Variants in TANC2 observed in about 807,000 individuals in gnomAD.
TANC2 encodes tetratricopeptide repeat, ankyrin repeat and coiled-coil containing 2, also known as protein TANC2.
Under a neutral mutation model 210.5 loss-of-function variants are expected in TANC2, and 26 were observed. The ratio of observed to expected loss-of-function variants is 0.12; its 90% CI spans 0.09 to 0.17. TANC2 has a LOEUF of 0.17. Among genes scored for constraint, TANC2 ranks in the 10% least tolerant of loss-of-function variants. The pLI, the probability that TANC2 is intolerant of heterozygous loss-of-function variation, is 1.00. For missense variants in TANC2, 2,129 were observed against 2,608.9 expected (o/e 0.82, Z 4.01); for synonymous variants, 931 against 967.1 (o/e 0.96, Z 0.69).
At chr17:63,303,979 C>A (rs2146510605) in intron 9 of TANC2, among the ~76,000 whole-genome samples, 1 of 152,080 alleles carries the variant, frequency 6.6e-6, no homozygotes, top group East Asian at 1.9e-4. Flanking sequence ...TTCTAGTTAG[C>A]AGCTCCTATA....
At chr17:62,986,632 C>T (rs1474062108) in intron 1 of TANC2, among the ~76,000 whole-genome samples, 2 of 151,508 alleles carry the variant, frequency 1.3e-5, no homozygotes, top group Non-Finnish European at 2.9e-5. Flanking sequence ...GAAACACAGG[C>T]GCATGACTGT....
At chr17:63,355,503 A>G (rs1208546704) in intron 14 of TANC2, 113 bp downstream of exon 14, 3 of 1,205,908 alleles carry the variant, frequency 2.5e-6, no homozygotes, top group Non-Finnish European at 3.3e-6. Context: ...TAGAAGAGAC[A>G]TCATCTGTGT....
At chr17:63,374,687 A>T (rs2147046555) in intron 14 of TANC2, among the ~76,000 whole-genome samples, 1 of 152,330 alleles carries the variant, frequency 6.6e-6, no homozygotes, top group East Asian at 1.9e-4. Context: ...TTGAAACCCT[A>T]CAGATAATTT....
In TANC2 at chr17:63,421,268, C is replaced by G. The variant is rs1286665712; in HGVS notation, c.5538C>G (p.Ile1846Met). Residue 1846 changes from isoleucine (I) to methionine (M), a missense_variant, in exon 28 of 28, where the codon ATC (isoleucine) becomes ATG (methionine). Physicochemically the swap from Ile to Met is conservative, Grantham distance 10 (BLOSUM62 1). Coordinates refer to ENST00000689528, the Ensembl canonical transcript of TANC2. The surrounding 1 kb of genome is among the most constrained non-coding windows in gnomAD (Gnocchi z 6.9). ...CTATCAGTGTCAACCCTAACGAAATCAAACCGCACCCGCCAACTCCCAGGC... is the reference window on the plus strand; with the variant it reads ...CTATCAGTGTCAACCCTAACGAAATGAAACCGCACCCGCCAACTCCCAGGC... The G allele has an allele frequency of 6.2e-7, 1 of 1,613,928 alleles. No individual in the cohort carries two copies. The highest frequency in any genetic ancestry group is 1.3e-5 in the African/African-American group (1 of 74,930).
chr17:63,064,871 T>A (rs1258222033), intron 2 of TANC2, among the ~76,000 whole-genome samples: 1 of 152,174 alleles, frequency 6.6e-6, no homozygotes, highest in Non-Finnish European at 1.5e-5. Context: ...CAAACTTTTT[T>A]TTTTTTGCTT....
chr17:63,023,372 A>G (rs894201190), intron 2 of TANC2, among the ~76,000 whole-genome samples: 2 of 151,706 alleles, frequency 1.3e-5, no homozygotes, highest in Admixed American at 6.6e-5. Context: ...GTGTGTGTGT[A>G]TGTGTGTATT....
chr17:63,358,376 A>AGAGAGTGT (rs1470682571), intron 14 of TANC2, among the ~76,000 whole-genome samples: 23 of 81,044 alleles, frequency 2.8e-4, no homozygotes, highest in African/African-American at 8.5e-4. Context: ...AGAGAGAGAG[A>AGAGAGTGT]GTATGTGTGT....
At chr17:63,379,287 G>T (rs2047526542) in intron 14 of TANC2, among the ~76,000 whole-genome samples, 1 of 152,176 alleles carries the variant, frequency 6.6e-6, no homozygotes, top group Non-Finnish European at 1.5e-5. Context: ...AGGAGCAGGT[G>T]CCCTTCCCCA....
chr17:63,364,482 A>G (rs1218792741), intron 14 of TANC2, among the ~76,000 whole-genome samples: 2 of 152,238 alleles, frequency 1.3e-5, no homozygotes, highest in African/African-American at 4.8e-5. Flanking sequence ...TCCTAAGTCT[A>G]TATACATACA....
chr17:63,308,321 C>A (rs1484774848), intron 9 of TANC2, among the ~76,000 whole-genome samples: 2 of 152,150 alleles, frequency 1.3e-5, no homozygotes, highest in Non-Finnish European at 2.9e-5. Context: ...CTACATATTT[C>A]TTCACTCTTT....
At chr17:63,224,441 G>A (rs965452926) in intron 7 of TANC2, among the ~76,000 whole-genome samples, 4 of 152,070 alleles carry the variant, frequency 2.6e-5, no homozygotes, top group East Asian at 1.9e-4. Context: ...TAGGAGAGAC[G>A]AGGTTTCACC....
At chr17:63,027,043 T>C (rs1182915682) in intron 2 of TANC2, among the ~76,000 whole-genome samples, 1 of 152,186 alleles carries the variant, frequency 6.6e-6, no homozygotes, top group East Asian at 1.9e-4. Flanking sequence ...TTCATTCTAT[T>C]TAGTTTCTTC....
At chr17:63,225,057 A>G (rs2042293915) in intron 7 of TANC2, among the ~76,000 whole-genome samples, 1 of 151,702 alleles carries the variant, frequency 6.6e-6, no homozygotes, top group African/African-American at 2.4e-5. Context: ...ATCTCCCTCT[A>G]CCCTTCACAG....
intron 5 of TANC2, among the ~76,000 whole-genome samples, chr17:63,166,967 G>T (rs897189842): frequency 2.0e-5 from 3 of 152,098 alleles, no homozygotes; most frequent in African/African-American, 7.2e-5. Flanking sequence ...CAGAAGCTTA[G>T]GTGAGTGGAG....
chr17:63,003,811 G>GT lies in TANC2; in HGVS notation c.-23-5719dup, dbSNP rs543375988. Among the ~76,000 whole-genome samples the GT allele has an allele frequency of 1.4e-3, 218 of 151,912 alleles. 1 individual carries two copies. The highest frequency in any genetic ancestry group is 5.0e-3 in the Admixed American group (76 of 15,260). ...AATTTTTAATAACCTCCAAATATATGTTTTTTTAAGTGGCTGTTGCTTTCT... is the reference window on the plus strand; with the variant it reads ...AATTTTTAATAACCTCCAAATATATGTTTTTTTTAAGTGGCTGTTGCTTTCT... On this transcript the variant is annotated intron_variant, in intron 1 of 27. Coordinates refer to ENST00000689528, the Ensembl canonical transcript of TANC2.
intron 9 of TANC2, among the ~76,000 whole-genome samples, chr17:63,268,658 C>T (rs1204617920): frequency 6.6e-6 from 1 of 152,064 alleles, no homozygotes; most frequent in Admixed American, 6.6e-5. Flanking sequence ...ATTTTATTAT[C>T]TTGGTCTTTT....
chr17:63,255,487 G>C (rs1397370453), intron 8 of TANC2, among the ~76,000 whole-genome samples: 1 of 152,090 alleles, frequency 6.6e-6, no homozygotes, highest in African/African-American at 2.4e-5. Flanking sequence ...TTATGGTTTT[G>C]ATCTCATTAC....
intron 12 of TANC2, among the ~76,000 whole-genome samples, chr17:63,348,099 A>G (rs746223837): frequency 2.1e-4 from 32 of 152,202 alleles, no homozygotes; most frequent in Non-Finnish European, 3.7e-4. Context: ...ACTGAAGGAA[A>G]GATAACTCAG....
chr17:63,288,829 T>C (rs910019914), intron 9 of TANC2, among the ~76,000 whole-genome samples: 1 of 152,228 alleles, frequency 6.6e-6, no homozygotes. Context: ...CTGACCTATA[T>C]TATTTTCCCA....
Sources: allele counts gnomAD v4.1 joint callset (sites outside exome capture counted in the v4.1 genomes callset), GRCh38; gene constraint gnomAD v4.1.1; non-coding constraint Gnocchi (gnomAD v3.1); transcripts MANE v1.5; gene names NCBI Gene and HGNC (gene_info 2026-07-23, HGNC 2026-07-21).